The following C1RL variants were observed in gnomAD, a reference collection of about 807,000 sequenced individuals.
The protein encoded by C1RL is complement C1r subcomponent-like protein.
A neutral mutation model predicts 27.9 loss-of-function variants in C1RL; 27 were observed. That is an observed-to-expected ratio of 0.97 (90% CI 0.71 to 1.33). The LOEUF (loss-of-function observed/expected upper bound fraction) is 1.33, where lower values mean the gene tolerates loss of function less well. C1RL is among the 40% of genes most tolerant of loss of function. C1RL has a pLI of 0.00. For synonymous variants in C1RL, 248 were observed against 252.1 expected (o/e 0.98, Z 0.15); for missense variants, 563 against 623.9 (o/e 0.90, Z 1.04).
At chr12:7,100,247 T>C (rs1194787054) in intron 3 of C1RL, among the ~76,000 whole-genome samples, 2 of 152,208 alleles carry the variant, frequency 1.3e-5, no homozygotes, top group Non-Finnish European at 2.9e-5. Flanking sequence ...CTTCCATATA[T>C]GTTTGATAGG....
intron 2 of C1RL, among the ~76,000 whole-genome samples, chr12:7,103,721 A>G (rs765398526): frequency 6.6e-6 from 1 of 152,226 alleles, no homozygotes; most frequent in Non-Finnish European, 1.5e-5. Context: ...AAGTAAAAAA[A>G]TAAACTAGGT....
Position 7,104,727 on chromosome 12 carries a change from G to A in C1RL, c.301-2640C>T, listed in dbSNP as rs12230648. Among the ~76,000 whole-genome samples, 10,019 of 152,174 alleles carry A rather than the reference G, an allele frequency of 0.066. 483 individuals are homozygous for A. The highest frequency in any genetic ancestry group is 0.23 in the East Asian group (1,205 of 5,158). On this transcript the variant is annotated intron_variant, in intron 2 of 5. Transcript: ENST00000266542. The surrounding 1 kb of genome is among the most constrained non-coding windows in gnomAD (Gnocchi z 5.4). The stretch of plus-strand genomic sequence containing the variant: ...AATAATTGGGTAAATAATCTTATTC[G>A]TTTTTATTAACCTTTCTTACATGTA...
chr12:7,098,922 G>A lies in C1RL; in HGVS notation c.691+764C>T, dbSNP rs945501217. 3.9e-5 allele frequency among the ~76,000 whole-genome samples: 6 copies of A among 151,956 alleles called. 1 individual carries two copies. The highest frequency in any genetic ancestry group is 7.4e-5 in the Non-Finnish European group (5 of 67,984). On this transcript the variant is annotated intron_variant, in intron 5 of 5. Coordinates refer to ENST00000266542, the MANE Select transcript of C1RL (RefSeq NM_016546.4). Reference sequence around the variant, plus strand: ...CTGTTTAAAGTGGTTAAGGCTGGGCGCAGTGGCCCAAGCCTGTAATCCCAG... The same window carrying A: ...CTGTTTAAAGTGGTTAAGGCTGGGCACAGTGGCCCAAGCCTGTAATCCCAG...
Position 7,094,761 on chromosome 12 carries a change from T to A in C1RL, c.*1630A>T. ...TTTGAGAGAATTATTATTATATTTT[T>A]GGCGATGGGGTTTCACTATGTTGCT... On this transcript the variant is annotated 3_prime_UTR_variant, in exon 6 of 6. Transcript: ENST00000266542. 1 of 967,334 alleles carries A rather than the reference T, an allele frequency of 1.0e-6. No homozygotes were observed. Among genetic ancestry groups the A allele is most frequent in the Non-Finnish European group, 1.2e-6 (1 of 813,640 alleles). 59.9% of individuals were successfully genotyped at this position (967,334 alleles called of 1,614,324 possible). A position where few individuals can be genotyped will look rare whatever the true frequency, so the allele number is the denominator to read the frequency against.
chr12:7,097,296 T>G, intron 5 of C1RL, 133 bp from the exon 6 acceptor site: 1 of 836,658 alleles, frequency 1.2e-6, no homozygotes, highest in South Asian at 2.0e-5. Flanking sequence ...TTTTTTTTTT[T>G]TTTGATATCG....
At position 7,099,971 on chromosome 12, in the gene C1RL, G is replaced by A. The variant is rs761493096; in HGVS notation, c.546C>T (p.Asn182=). The A allele has an allele frequency of 3.2e-5, 51 of 1,613,878 alleles. No individual in the cohort carries two copies. The highest frequency in any genetic ancestry group is 1.3e-4 in the East Asian group (6 of 44,880). The part of the protein sequence containing the change: ...SEASRGSEAI[N]APGDNPAKVQ... ...CCTTGGCAGGGTTGTCTCCAGGTGC[G>A]TTGATGGCCTCAGAGCCCCTGCTGG... is the stretch of plus-strand genomic sequence containing the variant. Residue 182 remains asparagine, a synonymous_variant, in exon 4 of 6, where the codon AAC becomes AAT. Coordinates refer to ENST00000266542, the MANE Select transcript of C1RL (RefSeq NM_016546.4).
At chr12:7,100,431 GTATC>G (rs930374760) in intron 3 of C1RL, among the ~76,000 whole-genome samples, 5 of 152,204 alleles carry the variant, frequency 3.3e-5, no homozygotes, top group African/African-American at 1.2e-4. Flanking sequence ...TGGCAGCAAA[GTATC>G]TATCAGGAGG....
In C1RL at chr12:7,096,351, C is replaced by A; in HGVS notation, c.*40G>T. 7.9e-7 allele frequency: 1 copy of A among 1,269,708 alleles called. No individual in the cohort carries two copies. The highest frequency in any genetic ancestry group is 2.4e-5 in the Admixed American group (1 of 41,954). The allele number at this position is 1,269,708 out of a possible 1,614,324, so 78.7% of individuals were successfully genotyped here. A position where few individuals can be genotyped will look rare whatever the true frequency, so the allele number is the denominator to read the frequency against. On this transcript the variant is annotated 3_prime_UTR_variant, in exon 6 of 6. Coordinates refer to ENST00000266542, the MANE Select transcript of C1RL (RefSeq NM_016546.4). ...ACTCCAGGCCCTCTGTTGCCTGGGG[C>A]CTCCACTGTGCTGGTCAGTCCCTGT...
Position 7,095,110 on chromosome 12 carries a change from C to A in C1RL, c.*1281G>T. On this transcript the variant is annotated 3_prime_UTR_variant, in exon 6 of 6. Coordinates refer to ENST00000266542, the MANE Select transcript of C1RL (RefSeq NM_016546.4). Reference sequence around the variant, plus strand: ...TTTATTTGTGTCTTTCACTGTAAATCACCTCCAATCTTTTTTTTTTGGGGG... The same window carrying A: ...TTTATTTGTGTCTTTCACTGTAAATAACCTCCAATCTTTTTTTTTTGGGGG... The A allele has an allele frequency of 2.4e-6, 3 of 1,232,358 alleles. No individual in the cohort carries two copies. Among genetic ancestry groups the A allele is most frequent in the Non-Finnish European group, 3.1e-6 (3 of 967,826 alleles). The allele number at this position is 1,232,358 out of a possible 1,614,324, so 76.3% of individuals were successfully genotyped here.
In C1RL at chr12:7,097,140, T is replaced by A. The variant is rs747368050; in HGVS notation, c.715A>T (p.Ile239Phe). The change falls in exon 6 of 6, where the codon ATT (isoleucine) becomes TTT (phenylalanine). Residue 239 changes from isoleucine (I) to phenylalanine (F), a missense_variant. Ile to Phe is a conservative substitution (Grantham distance 21). Transcript: ENST00000266542. ...MPVCGRPVTP[I>F]AQNQTTLGSS... ...CCGAGGGTCGTCTGATTCTGGGCAATGGGGGTGACTGGCCGTCCGCAGACT... is the reference window on the plus strand; with the variant it reads ...CCGAGGGTCGTCTGATTCTGGGCAAAGGGGGTGACTGGCCGTCCGCAGACT... The A allele has an allele frequency of 6.2e-7, 1 of 1,608,850 alleles. No homozygotes were observed. The highest frequency in any genetic ancestry group is 2.2e-5 in the East Asian group (1 of 44,784).
At position 7,109,188 on chromosome 12, in the gene C1RL, T is replaced by TGGA; in HGVS notation, c.-11_-9dup. 6.3e-7 allele frequency: 1 copy of TGGA among 1,595,178 alleles called. No individual in the cohort carries two copies. The highest frequency in any genetic ancestry group is 8.6e-7 in the Non-Finnish European group (1 of 1,168,228). The stretch of plus-strand genomic sequence containing the variant: ...CACTCTGGGTCCAGGCATCTGGAAC[T>TGGA]GGACATCTGGGACCTGCGAGAGAAC... On this transcript the variant is annotated 5_prime_UTR_variant, in exon 1 of 6. Transcript: ENST00000266542.
chr12:7,098,255 A>C (rs916060540), intron 5 of C1RL: 1 of 152,240 alleles, frequency 6.6e-6, no homozygotes, highest in African/African-American at 2.4e-5. Context: ...TGGGCGACAG[A>C]GCGAGACTCT....
chr12:7,095,521 T>C lies in C1RL; in HGVS notation c.*870A>G. ...GGTGTCTGCAAGAACTTCAGTCCAG[T>C]GCTGGGCTCACCTGGCTTCTGCAGG... is the stretch of plus-strand genomic sequence containing the variant. On this transcript the variant is annotated 3_prime_UTR_variant, in exon 6 of 6. Transcript: ENST00000266542. The C allele has an allele frequency of 4.1e-6, 4 of 986,550 alleles. No homozygotes were observed. The highest frequency in any genetic ancestry group is 4.8e-6 in the Non-Finnish European group (4 of 830,600). The allele number at this position is 986,550 out of a possible 1,614,324, so 61.1% of individuals were successfully genotyped here. A position where few individuals can be genotyped will look rare whatever the true frequency, so the allele number is the denominator to read the frequency against.
intron 3 of C1RL, 56 bp from the exon 4 acceptor site, chr12:7,100,082 T>A: frequency 6.5e-7 from 1 of 1,541,730 alleles, no homozygotes; most frequent in Non-Finnish European, 8.8e-7. Context: ...AGGGGCTGAT[T>A]CTGGCCCATG....
chr12:7,101,724 C>T (rs777683894), intron 3 of C1RL, 174 bp downstream of exon 3: 27 of 647,348 alleles, frequency 4.2e-5, no homozygotes, highest in South Asian at 5.5e-5. Flanking sequence ...GGCTCAGCTA[C>T]GGCTGTCTCT....
chr12:7,099,041 CA>C (rs35402492), intron 5 of C1RL, among the ~76,000 whole-genome samples: 47,049 of 127,328 alleles, frequency 0.37, 8,306 homozygotes, highest in Admixed American at 0.52. Context: ...ACTAAAAATA[CA>C]AAAAAAAAAA....
chr12:7,096,640 C>T lies in C1RL; in HGVS notation c.1215G>A (p.Trp405Ter), dbSNP rs1419840289. Residue 405 changes from tryptophan (W) to a stop codon, truncating the protein, a stop_gained, in exon 6 of 6, where the codon TGG becomes TGA. Coordinates refer to ENST00000266542, the MANE Select transcript of C1RL (RefSeq NM_016546.4). LOFTEE classifies it low-confidence loss of function (END_TRUNC). ...CCTCGGGTCTCTGTCTCTTTTGGAG[C>T]CAGGCGTTGCAGGCCTCCCTGGGAG... is the stretch of plus-strand genomic sequence containing the variant. ...PVAPREACNA[W>*]LQKRQRPEVF... 1.9e-6 allele frequency: 3 copies of T among 1,614,118 alleles called. No homozygotes were observed. Among genetic ancestry groups the T allele is most frequent in the Non-Finnish European group, 1.7e-6 (2 of 1,180,022 alleles).
intron 1 of C1RL, 191 bp from the exon 2 acceptor site, chr12:7,108,670 C>G (rs1447743374): frequency 6.9e-6 from 4 of 581,368 alleles, no homozygotes; most frequent in Non-Finnish European, 1.2e-5. Flanking sequence ...CCAATCCCTA[C>G]AGCCTCCCGC....
At chr12:7,099,041 C>CAAAAAA (rs35402492) in intron 5 of C1RL, among the ~76,000 whole-genome samples, 1 of 127,592 alleles carries the variant, frequency 7.8e-6, no homozygotes, top group Non-Finnish European at 1.7e-5. Flanking sequence ...ACTAAAAATA[C>CAAAAAA]AAAAAAAAAA....
Sources: allele counts gnomAD v4.1 joint callset (sites outside exome capture counted in the v4.1 genomes callset), GRCh38; gene constraint gnomAD v4.1.1; non-coding constraint Gnocchi (gnomAD v3.1); transcripts MANE v1.5; gene names NCBI Gene and HGNC (gene_info 2026-07-23, HGNC 2026-07-21).